KALRN: variants seen among roughly 807,000 people sequenced by gnomAD.
KALRN encodes the protein kalirin.
Under a neutral mutation model 353.7 loss-of-function variants are expected in KALRN, and 70 were observed. That is an observed-to-expected ratio of 0.20 (90% CI 0.16 to 0.24). KALRN has a LOEUF of 0.24. Among genes scored for constraint, KALRN ranks in the 10% least tolerant of loss-of-function variants. The pLI is 1.00. For missense variants in KALRN, 2,791 were observed against 3,756.7 expected (o/e 0.74, Z 6.72); for synonymous variants, 1,391 against 1,434.8 (o/e 0.97, Z 0.69).
Position 124,329,944 on chromosome 3 carries a change from C to A in KALRN, c.1368C>A (p.Ile456=). 1 of 1,613,402 alleles carries A rather than the reference C, an allele frequency of 6.2e-7. No individual in the cohort carries two copies. The highest frequency in any genetic ancestry group is 8.5e-7 in the Non-Finnish European group (1 of 1,179,622). Residue 456 remains isoleucine, a synonymous_variant, in exon 8 of 60, where the codon ATC becomes ATA. Coordinates refer to ENST00000682506, the MANE Select transcript of KALRN (RefSeq NM_001388419.1). ...PSEMQDLELA[I]HHHQTLYEQV... is the part of the protein sequence containing the mutation. ...AGATGCAAGACCTAGAGCTGGCAAT[C>A]CACCACCACCAGACCTTGTATGAGC...
At chr3:124,243,784 C>G (rs1204156694) in intron 3 of KALRN, among the ~76,000 whole-genome samples, 1 of 152,082 alleles carries the variant, frequency 6.6e-6, no homozygotes, top group African/African-American at 2.4e-5. Flanking sequence ...AAGATATTAC[C>G]AAACACAATG....
At chr3:124,663,621 C>G (rs1170437754) in intron 45 of KALRN, among the ~76,000 whole-genome samples, 1 of 152,164 alleles carries the variant, frequency 6.6e-6, no homozygotes, top group Non-Finnish European at 1.5e-5. Context: ...TGTTGATCCC[C>G]TTAGAGAAAG....
At position 124,377,262 on chromosome 3, in the gene KALRN, C is replaced by A. The variant is rs185452676; in HGVS notation, c.1771-7583C>A. 1.2e-4 allele frequency among the ~76,000 whole-genome samples: 19 copies of A among 152,264 alleles called. No homozygotes were observed. In the East Asian group the frequency reaches 3.7e-3, roughly 29 times the overall value. ...ATAAAGAACCTAACACAATGCATAG[C>A]ATACTATGGACACCTGGTTAACTGA... is the stretch of plus-strand genomic sequence containing the variant. On this transcript the variant is annotated intron_variant, in intron 10 of 59. Transcript: ENST00000682506.
chr3:124,600,493 G>T (rs2076689211), intron 34 of KALRN, among the ~76,000 whole-genome samples: 1 of 152,218 alleles, frequency 6.6e-6, no homozygotes. Context: ...AATTCTGGTT[G>T]TGGAATGGCT....
At chr3:124,442,164 T>C (rs1400939271) in intron 19 of KALRN, 105 bp downstream of exon 19, 1 of 598,526 alleles carries the variant, frequency 1.7e-6, no homozygotes, top group African/African-American at 1.9e-5. Context: ...CTGCTGCTTC[T>C]CCTTAGAAAT....
chr3:124,077,780 A>G (rs1210997122), intron 1 of KALRN, among the ~76,000 whole-genome samples: 2 of 152,226 alleles, frequency 1.3e-5, no homozygotes, highest in Non-Finnish European at 2.9e-5. Flanking sequence ...AGTAGCTCCC[A>G]TTGGATAAAG....
intron 34 of KALRN, among the ~76,000 whole-genome samples, chr3:124,599,440 G>T (rs776175379): frequency 2.0e-5 from 3 of 152,292 alleles, no homozygotes; most frequent in South Asian, 2.1e-4. Context: ...CTGGGATCCA[G>T]ATTAAAAGAA....
intron 33 of KALRN, among the ~76,000 whole-genome samples, chr3:124,521,867 C>T (rs944362860): frequency 1.2e-4 from 18 of 152,116 alleles, no homozygotes; most frequent in African/African-American, 4.3e-4. Flanking sequence ...CTTATTCACT[C>T]ATTAATTCAA....
At chr3:124,272,445 AT>A in intron 5 of KALRN, among the ~76,000 whole-genome samples, 1 of 152,210 alleles carries the variant, frequency 6.6e-6, no homozygotes, top group Non-Finnish European at 1.5e-5. Context: ...TAAAGACGTG[AT>A]TTTTTTCCCT....
chr3:124,210,721 C>T lies in KALRN; in HGVS notation c.74-17269C>T, dbSNP rs142442888. ...CAATGTTATTGGCATGGAACAATCC[C>T]ACAACCATGACTCAGTTGCTCTGTA... On this transcript the variant is annotated intron_variant, in intron 1 of 59. Transcript: ENST00000682506. Among the ~76,000 whole-genome samples the T allele has an allele frequency of 1.4e-3, 213 of 152,294 alleles. 1 individual carries two copies. The highest frequency in any genetic ancestry group is 2.6e-3 in the Non-Finnish European group (174 of 68,038).
At chr3:124,055,119 A>G (rs918424219) in intron 1 of KALRN, among the ~76,000 whole-genome samples, 1 of 152,198 alleles carries the variant, frequency 6.6e-6, no homozygotes, top group African/African-American at 2.4e-5. Flanking sequence ...ATTTGCCAAA[A>G]GCTTTTACAT....
chr3:124,496,501 C>A, intron 33 of KALRN, 88 bp downstream of exon 33: 1 of 944,476 alleles, frequency 1.1e-6, no homozygotes, highest in South Asian at 1.4e-5. Context: ...ATTTCTCTCA[C>A]TATGGATCCT....
At chr3:124,661,954 C>T (rs2084928047) in intron 45 of KALRN, 26 bp downstream of exon 45, 2 of 1,572,336 alleles carry the variant, frequency 1.3e-6, no homozygotes, top group Admixed American at 1.7e-5. Context: ...TGCGTCTAAG[C>T]CCACTCTCTC....
At chr3:124,093,658 T>A (rs1050964921) in intron 1 of KALRN, among the ~76,000 whole-genome samples, 1 of 152,158 alleles carries the variant, frequency 6.6e-6, no homozygotes, top group Non-Finnish European at 1.5e-5. Context: ...ATTTGTCTAG[T>A]TAGTAATCAC....
intron 1 of KALRN, among the ~76,000 whole-genome samples, chr3:124,049,400 CTCTT>C (rs909306877): frequency 1.3e-5 from 2 of 152,182 alleles, no homozygotes; most frequent in Admixed American, 1.3e-4. Context: ...GATGGGATCT[CTCTT>C]TCCTCATTCG....
At chr3:124,292,739 C>A (rs1345971081) in intron 5 of KALRN, among the ~76,000 whole-genome samples, 1 of 152,102 alleles carries the variant, frequency 6.6e-6, no homozygotes, top group Non-Finnish European at 1.5e-5. Context: ...AAATTCATAC[C>A]TTTCATCTGT....
At chr3:124,245,583 G>T (rs1258868787) in intron 3 of KALRN, among the ~76,000 whole-genome samples, 2 of 151,662 alleles carry the variant, frequency 1.3e-5, no homozygotes, top group Non-Finnish European at 2.9e-5. Flanking sequence ...TGTAGTTGCT[G>T]TACTAACTTA....
intron 10 of KALRN, among the ~76,000 whole-genome samples, chr3:124,369,762 C>G (rs1480910177): frequency 2.0e-5 from 3 of 151,822 alleles, no homozygotes; most frequent in South Asian, 2.1e-4. Context: ...TCAAGACCCC[C>G]CACCTCACCA....
intron 51 of KALRN, among the ~76,000 whole-genome samples, chr3:124,687,328 A>G (rs189150): frequency 0.59 from 90,140 of 151,914 alleles, 27,180 homozygotes; most frequent in East Asian, 0.9. Context: ...CATCCTCCTC[A>G]GCCCCCCACC....
Sources: gnomAD v4.1 joint callset for allele counts (sites outside exome capture counted in the v4.1 genomes callset) on GRCh38, gnomAD v4.1.1 for gene constraint, MANE v1.5 for transcripts, NCBI Gene and HGNC (gene_info 2026-07-23, HGNC 2026-07-21) for gene names.